Variants in PLAT observed in about 807,000 individuals in gnomAD.
The protein encoded by PLAT is plasminogen activator, tissue type.
In PLAT, 48 loss-of-function variants were observed where a neutral mutation model predicts 74.9. The ratio of observed to expected loss-of-function variants is 0.64; its 90% confidence interval spans 0.51 to 0.82. The LOEUF (loss-of-function observed/expected upper bound fraction) is 0.82. Among genes scored for constraint, PLAT ranks in the 40% least tolerant of loss-of-function variants. The pLI, the probability that PLAT is intolerant of heterozygous loss-of-function variation, is 0.00. For synonymous variants in PLAT, 307 were observed against 294.4 expected (o/e 1.04, Z -0.44); for missense variants, 673 against 736.2 (o/e 0.91, Z 0.99).
At chr8:42,192,671 G>A (rs930989462) in intron 2 of PLAT, among the ~76,000 whole-genome samples, 4 of 152,078 alleles carry the variant, frequency 2.6e-5, no homozygotes, top group African/African-American at 7.2e-5. Flanking sequence ...TATACAGGAG[G>A]GTGTGCATAG....
rs140537859 is a variant in PLAT at position 42,194,215 on chromosome 8, T to TGAGAGAGAGAGAGA, written c.-26-1018_-26-1005dup. On this transcript the variant is annotated intron_variant, in intron 1 of 13. Transcript: ENST00000220809. ...TCAGGCATGTGCCACTGTGCCTGGC[T>TGAGAGAGAGAGAGA]GAGAGAGAGAGAGAGAGAGAGAGAG... is the stretch of plus-strand genomic sequence containing the variant. 7.1e-3 allele frequency among the ~76,000 whole-genome samples: 845 copies of TGAGAGAGAGAGAGA among 119,648 alleles called. 5 individuals carry two copies. The highest frequency in any genetic ancestry group is 0.024 in the African/African-American group (519 of 21,736). 78.5% of individuals were successfully genotyped at this position (119,648 alleles called of 152,430 possible).
chr8:42,194,950 T>C (rs910953312), intron 1 of PLAT, among the ~76,000 whole-genome samples: 34 of 152,326 alleles, frequency 2.2e-4, no homozygotes, highest in Admixed American at 2.2e-3. Context: ...TCCATCTGCC[T>C]CTCCTCTGTG....
chr8:42,179,642 A>G (rs755533631), intron 12 of PLAT, among the ~76,000 whole-genome samples: 1 of 152,230 alleles, frequency 6.6e-6, no homozygotes, highest in African/African-American at 2.4e-5. Flanking sequence ...CCAGCTTCCC[A>G]GAACCCACAC....
In PLAT at chr8:42,180,281, G is replaced by A; in HGVS notation, c.1183C>T (p.His395Tyr). 1 of 1,614,196 alleles carries A rather than the reference G, an allele frequency of 6.2e-7. No individual in the cohort carries two copies. The highest frequency in any genetic ancestry group is 8.5e-7 in the Non-Finnish European group (1 of 1,179,988). The change falls in exon 11 of 14, where the codon CAT (histidine) becomes TAT (tyrosine). Residue 395 changes from histidine (H) to tyrosine (Y), a missense_variant. By Grantham distance (83) the His-to-Tyr change is moderately conservative. Transcript: ENST00000220809. ...QKFEVEKYIV[H>Y]KEFDDDTYDN... Reference sequence around the variant, plus strand: ...TAAGTGTCATCATCGAATTCCTTATGGACAATGTATTTTTCGACTTCAAAT... The same window carrying A: ...TAAGTGTCATCATCGAATTCCTTATAGACAATGTATTTTTCGACTTCAAAT...
chr8:42,179,178 A>G (rs1231978446), intron 12 of PLAT, 115 bp from the exon 13 acceptor site: 1 of 701,788 alleles, frequency 1.4e-6, no homozygotes, highest in Non-Finnish European at 2.5e-6. Context: ...AACATGTATT[A>G]GGTCGAATCC....
chr8:42,178,157 T>C (rs982699052), intron 13 of PLAT, among the ~76,000 whole-genome samples: 3 of 152,234 alleles, frequency 2.0e-5, no homozygotes, highest in African/African-American at 7.2e-5. Context: ...TGAAAACTTC[T>C]TTCTCACATC....
At chr8:42,195,143 G>A (rs1226071262) in intron 1 of PLAT, among the ~76,000 whole-genome samples, 1 of 151,652 alleles carries the variant, frequency 6.6e-6, no homozygotes, top group African/African-American at 2.4e-5. Context: ...GCGTCCTAGG[G>A]GCCTGGAGGC....
chr8:42,191,467 G>C, intron 2 of PLAT, 53 bp from the exon 3 acceptor site: 1 of 1,574,802 alleles, frequency 6.3e-7, no homozygotes, highest in Non-Finnish European at 8.7e-7. Flanking sequence ...GGTGTACTAA[G>C]AGTAAAGGCG....
At chr8:42,206,587 T>C (rs377612977) in intron 1 of PLAT, 3 of 152,352 alleles carry the variant, frequency 2.0e-5, no homozygotes, top group South Asian at 2.1e-4. Context: ...TTATTCCCAA[T>C]TGGCCACCAA....
chr8:42,181,763 T>C (rs1805249090), intron 9 of PLAT, among the ~76,000 whole-genome samples, 174 bp downstream of exon 9: 1 of 137,376 alleles, frequency 7.3e-6, no homozygotes, highest in Admixed American at 7.3e-5. Flanking sequence ...GCATGGGTCA[T>C]GGACACCCGC....
At chr8:42,177,334 G>A (rs1805013266) in intron 13 of PLAT, among the ~76,000 whole-genome samples, 2 of 152,240 alleles carry the variant, frequency 1.3e-5, no homozygotes, top group Admixed American at 6.5e-5. Flanking sequence ...CAGTTTCTAA[G>A]AACCTATTTT....
intron 13 of PLAT, among the ~76,000 whole-genome samples, chr8:42,176,904 A>G (rs1804993428): frequency 7.3e-6 from 1 of 137,662 alleles, no homozygotes; most frequent in Non-Finnish European, 1.5e-5. Flanking sequence ...TTGGGTCTTT[A>G]TTTAGAAGTT....
intron 3 of PLAT, among the ~76,000 whole-genome samples, chr8:42,190,398 G>A (rs560385987): frequency 2.6e-5 from 4 of 152,116 alleles, no homozygotes; most frequent in Non-Finnish European, 4.4e-5. Context: ...AGTATTTTTG[G>A]CATAATGAAA....
chr8:42,189,152 CT>C, intron 3 of PLAT, 81 bp from the exon 4 acceptor site: 1 of 1,462,618 alleles, frequency 6.8e-7, no homozygotes, highest in South Asian at 1.2e-5. Flanking sequence ...ACTGAGAAAA[CT>C]CCCTCACTTG....
At chr8:42,196,550 G>T (rs1005702905) in intron 1 of PLAT, among the ~76,000 whole-genome samples, 1 of 152,174 alleles carries the variant, frequency 6.6e-6, no homozygotes, top group African/African-American at 2.4e-5. Flanking sequence ...TCCTTGTTTC[G>T]CCTTCGCTGA....
Position 42,188,991 on chromosome 8 carries a change from C to A in PLAT, c.196G>T (p.Val66Leu), listed in dbSNP as rs549540182. Residue 66 changes from valine (V) to leucine (L), a missense_variant, in exon 4 of 14, where the codon GTG becomes TTG. By Grantham distance (32) the Val-to-Leu change is conservative. Coordinates refer to ENST00000220809, the MANE Select transcript of PLAT (RefSeq NM_000930.5). ...CCACTGTTGCACCAGCAATATTCCA[C>A]CCGGTTGCTTCTGAGCACAGGGCGC... The part of the protein sequence containing the change: ...WLRPVLRSNR[V>L]EYCWCNSGRA... 1 of 1,614,120 alleles carries A rather than the reference C, an allele frequency of 6.2e-7. No individual in the cohort carries two copies. The highest frequency in any genetic ancestry group is 1.7e-5 in the Admixed American group (1 of 60,028).
intron 1 of PLAT, among the ~76,000 whole-genome samples, chr8:42,195,204 T>C (rs1246440112): frequency 6.7e-6 from 1 of 150,254 alleles, no homozygotes; most frequent in Non-Finnish European, 1.5e-5. Context: ...TCTGGATCTT[T>C]GATTGTTACT....
chr8:42,200,269 T>C (rs1367785878), intron 1 of PLAT, among the ~76,000 whole-genome samples: 1 of 152,218 alleles, frequency 6.6e-6, no homozygotes, highest in East Asian at 1.9e-4. Context: ...CTGAGAGCAG[T>C]GGCTCACGTC....
intron 9 of PLAT, among the ~76,000 whole-genome samples, chr8:42,180,968 A>G (rs1299305542): frequency 1.3e-5 from 2 of 152,204 alleles, no homozygotes; most frequent in Non-Finnish European, 2.9e-5. Flanking sequence ...ATGTTTTCCT[A>G]CAGCCATTTC....
Sources: gnomAD v4.1 joint callset for allele counts (sites outside exome capture counted in the v4.1 genomes callset) on GRCh38, gnomAD v4.1.1 for gene constraint, MANE v1.5 for transcripts, NCBI Gene and HGNC (gene_info 2026-07-23, HGNC 2026-07-21) for gene names.